CNTNAP2: variants seen among roughly 807,000 people sequenced by gnomAD.
The protein encoded by CNTNAP2 is contactin-associated protein-like 2.
CNTNAP2 carries 98 observed loss-of-function variants against 155.2 expected under a neutral mutation model. The ratio of observed to expected loss-of-function variants is 0.63; its 90% CI spans 0.54 to 0.75. The LOEUF is 0.75. CNTNAP2 is among the 30% of genes least tolerant of loss of function. CNTNAP2 has a pLI of 0.00. For missense variants in CNTNAP2, 1,727 were observed against 1,688.1 expected (o/e 1.02, Z -0.40); for synonymous variants, 651 against 631.2 (o/e 1.03, Z -0.47).
At chr7:148,224,600 A>G (rs1425473114) in intron 19 of CNTNAP2, among the ~76,000 whole-genome samples, 1 of 152,242 alleles carries the variant, frequency 6.6e-6, no homozygotes, top group Non-Finnish European at 1.5e-5. Flanking sequence ...TAAATGACCC[A>G]ATAAAATAAT....
chr7:146,893,633 G>T (rs1585142769), intron 3 of CNTNAP2, among the ~76,000 whole-genome samples: 1 of 152,198 alleles, frequency 6.6e-6, no homozygotes, highest in Non-Finnish European at 1.5e-5. Context: ...TTCCGGTCCT[G>T]CAAGAAGTTT....
intron 3 of CNTNAP2, among the ~76,000 whole-genome samples, chr7:147,016,939 A>C (rs1798734779): frequency 6.6e-6 from 1 of 151,940 alleles, no homozygotes; most frequent in Non-Finnish European, 1.5e-5. Context: ...CTGAGCACAT[A>C]AACTACTGAA....
At chr7:147,928,373 G>C (rs1423893661) in intron 14 of CNTNAP2, among the ~76,000 whole-genome samples, 53 of 152,136 alleles carry the variant, frequency 3.5e-4, no homozygotes, top group Admixed American at 3.5e-3. Context: ...GTAAGTAATA[G>C]TACCTCCTTC....
At chr7:148,080,791 A>G (rs1016509637) in intron 15 of CNTNAP2, among the ~76,000 whole-genome samples, 5 of 152,038 alleles carry the variant, frequency 3.3e-5, no homozygotes, top group Non-Finnish European at 7.4e-5. Flanking sequence ...GCAGGGGGGG[A>G]AATGTGAGGA....
At chr7:148,159,050 A>G (rs902743954) in intron 17 of CNTNAP2, among the ~76,000 whole-genome samples, 2 of 152,162 alleles carry the variant, frequency 1.3e-5, no homozygotes, top group Middle Eastern at 3.2e-3. Flanking sequence ...AGTATTCCGC[A>G]TTCAGATAAA....
chr7:147,221,890 A>G (rs1239628371), intron 8 of CNTNAP2, among the ~76,000 whole-genome samples: 1 of 152,106 alleles, frequency 6.6e-6, no homozygotes, highest in African/African-American at 2.4e-5. Flanking sequence ...TTCTCTCTCA[A>G]CACTAAATAA....
intron 1 of CNTNAP2, among the ~76,000 whole-genome samples, chr7:146,322,067 AT>A: frequency 6.6e-6 from 1 of 152,326 alleles, no homozygotes; most frequent in Non-Finnish European, 1.5e-5. Context: ...ATGGAAATAA[AT>A]TCATAGGGAA....
chr7:147,323,822 A>G (rs1186246317), intron 9 of CNTNAP2, among the ~76,000 whole-genome samples: 2 of 152,192 alleles, frequency 1.3e-5, no homozygotes, highest in Non-Finnish European at 2.9e-5. Context: ...TTAATTACGC[A>G]TTTATATCTC....
chr7:147,130,455 A>G (rs923914654), intron 7 of CNTNAP2, among the ~76,000 whole-genome samples: 2 of 152,116 alleles, frequency 1.3e-5, no homozygotes, highest in East Asian at 3.9e-4. Flanking sequence ...CTGTCCCCCC[A>G]AAAATAAAAG....
At chr7:147,557,189 G>C (rs117963505) in intron 11 of CNTNAP2, among the ~76,000 whole-genome samples, 1 of 151,940 alleles carries the variant, frequency 6.6e-6, no homozygotes, top group Non-Finnish European at 1.5e-5. Flanking sequence ...GCTTGAACCC[G>C]GGAGGCAAAG....
intron 12 of CNTNAP2, among the ~76,000 whole-genome samples, chr7:147,592,070 C>T (rs1800744701): frequency 6.6e-6 from 1 of 152,170 alleles, no homozygotes; most frequent in African/African-American, 2.4e-5. Flanking sequence ...ATATCACTGA[C>T]ATTGTATAGG....
intron 1 of CNTNAP2, among the ~76,000 whole-genome samples, chr7:146,229,722 GT>G (rs59076382): frequency 0.71 from 106,285 of 150,748 alleles, 38,135 homozygotes; most frequent in East Asian, 0.94. Flanking sequence ...GAAGTTTTTT[GT>G]TTTTTTTTTC....
chr7:146,557,201 A>T (rs1233391638), intron 1 of CNTNAP2, among the ~76,000 whole-genome samples: 1 of 152,094 alleles, frequency 6.6e-6, no homozygotes, highest in East Asian at 1.9e-4. Flanking sequence ...GACTAAACTC[A>T]CTCCCGATAT....
At chr7:147,087,010 GACACTGGTAAGTGTA>G (rs1404485931) in intron 4 of CNTNAP2, among the ~76,000 whole-genome samples, 14 of 152,256 alleles carry the variant, frequency 9.2e-5, no homozygotes, top group Middle Eastern at 3.4e-3. Flanking sequence ...TAGGAAAATA[GACACTGGTAAGTGTA>G]ACTGTATCTG....
rs372466471 is a variant in CNTNAP2, at chr7:146,428,662, T to A, written c.97+311689T>A. 9.9e-5 allele frequency among the ~76,000 whole-genome samples: 15 copies of A among 152,216 alleles called. No individual in the cohort carries two copies. The East Asian group carries it at 2.3e-3, about 24-fold the overall frequency. On this transcript the variant is annotated intron_variant, in intron 1 of 23. Coordinates refer to ENST00000361727, the MANE Select transcript of CNTNAP2 (RefSeq NM_014141.6). ...CTCTGTATATTAGACCTTTGTCAGA[T>A]GGATAGATTGCAAAAATCTTCTCCC...
intron 13 of CNTNAP2, among the ~76,000 whole-genome samples, chr7:147,677,784 C>G (rs553461006): frequency 1.3e-5 from 2 of 151,798 alleles, no homozygotes; most frequent in South Asian, 4.1e-4. Flanking sequence ...TCTCCTTTCT[C>G]CATGGTGTGT....
At chr7:148,288,592 C>T (rs1430450397) in intron 21 of CNTNAP2, among the ~76,000 whole-genome samples, 1 of 152,112 alleles carries the variant, frequency 6.6e-6, no homozygotes, top group Non-Finnish European at 1.5e-5. Flanking sequence ...TAATGTAAAA[C>T]TATTAAATTA....
intron 21 of CNTNAP2, among the ~76,000 whole-genome samples, chr7:148,285,707 C>T (rs571453817): frequency 1.8e-4 from 28 of 152,298 alleles, no homozygotes; most frequent in African/African-American, 6.5e-4. Context: ...GTGGTAGAAC[C>T]ATGATTCCAG....
rs369932664 is a variant in CNTNAP2, at chr7:148,349,405, C to CTTTTTT, written c.3476-34243_3476-34242insTTTTTT. ...GCTTTAAAAATTGCAAAAAAAATCT[C>CTTTTTT]TCTTTTTTTTTTTTGAGACAGAGTC... On this transcript the variant is annotated intron_variant, in intron 21 of 23. Transcript: ENST00000361727. Among the ~76,000 whole-genome samples the CTTTTTT allele has an allele frequency of 1.5e-3, 206 of 135,644 alleles. 21 individuals are homozygous for CTTTTTT. Among genetic ancestry groups the CTTTTTT allele is most frequent in the Non-Finnish European group, 1.8e-3 (118 of 64,358 alleles). 89.0% of individuals were successfully genotyped at this position (135,644 alleles called of 152,430 possible). A position where few individuals can be genotyped will look rare whatever the true frequency, so the allele number is the denominator to read the frequency against.
Sources: allele counts gnomAD v4.1 joint callset (sites outside exome capture counted in the v4.1 genomes callset), GRCh38; gene constraint gnomAD v4.1.1; transcripts MANE v1.5; gene names NCBI Gene and HGNC (gene_info 2026-07-23, HGNC 2026-07-21).